The following AKAP10 variants were observed in gnomAD, a reference collection of about 807,000 sequenced individuals.
AKAP10 encodes A-kinase anchor protein 10, mitochondrial.
In AKAP10, 24 loss-of-function variants were observed where a neutral mutation model predicts 80.8. The observed-to-expected ratio is 0.30, with a 90% CI of 0.22 to 0.42. The LOEUF is 0.42. Among genes scored for constraint, AKAP10 ranks in the 10% least tolerant of loss-of-function variants. The probability of loss-of-function intolerance (pLI) is 1.00; values close to 1 mark genes in which losing one functional copy is unlikely to be tolerated. For synonymous variants in AKAP10, 291 were observed against 277.7 expected (o/e 1.05, Z -0.48); for missense variants, 661 against 794.9 (o/e 0.83, Z 2.03).
At position 19,942,056 on chromosome 17, in the gene AKAP10, TCTTAA is replaced by T. The variant is rs2043055935; in HGVS notation, c.977-151_977-147del. 6.5e-5 allele frequency: 32 copies of T among 493,196 alleles called. 1 individual carries two copies. In the South Asian group the frequency reaches 1.7e-3, roughly 26 times the overall value. 30.6% of individuals were successfully genotyped at this position (493,196 alleles called of 1,614,324 possible). On this transcript the variant is annotated intron_variant, in intron 5 of 14. Transcript: ENST00000225737. ...AAAAGAAAATACAGGTAACACTTGA[TCTTAA>T]AATAGAAAGTCTTTTGAAGTACATA...
chr17:19,927,337 AAAAC>A (rs969231579), intron 10 of AKAP10, among the ~76,000 whole-genome samples: 84 of 152,124 alleles, frequency 5.5e-4, no homozygotes, highest in African/African-American at 1.6e-3. Flanking sequence ...TTATCTTAAA[AAAAC>A]AAACAAACAA....
At chr17:19,951,057 G>A (rs1162303855) in intron 4 of AKAP10, among the ~76,000 whole-genome samples, 1 of 152,068 alleles carries the variant, frequency 6.6e-6, no homozygotes, top group African/African-American at 2.4e-5. Context: ...GAGAAGTGAG[G>A]AGCCCCTCCG....
chr17:19,957,892 A>C, intron 4 of AKAP10, 122 bp downstream of exon 4: 1 of 1,058,884 alleles, frequency 9.4e-7, no homozygotes, highest in Non-Finnish European at 1.3e-6. Flanking sequence ...TCCCAAATTT[A>C]CAAGTAGTTA....
chr17:19,969,382 AATCAT>A (rs1293284369), intron 1 of AKAP10, among the ~76,000 whole-genome samples: 4 of 152,172 alleles, frequency 2.6e-5, no homozygotes, highest in South Asian at 2.1e-4. Flanking sequence ...TCTGTAAAAT[AATCAT>A]ATAATTGCTT....
intron 3 of AKAP10, among the ~76,000 whole-genome samples, chr17:19,960,533 G>A (rs941698438): frequency 2.6e-5 from 4 of 152,128 alleles, no homozygotes; most frequent in African/African-American, 9.7e-5. Flanking sequence ...TCAACAGTTT[G>A]TTCCTTTTTA....
At chr17:19,957,142 GA>G (rs532046160) in intron 4 of AKAP10, among the ~76,000 whole-genome samples, 4 of 150,104 alleles carry the variant, frequency 2.7e-5, no homozygotes, top group South Asian at 4.2e-4. Context: ...TAATAGAGAA[GA>G]AAAAAAAACA....
chr17:19,966,522 G>A (rs1567777053), intron 2 of AKAP10, among the ~76,000 whole-genome samples: 1 of 152,188 alleles, frequency 6.6e-6, no homozygotes, highest in African/African-American at 2.4e-5. Context: ...ACTGTTCTGT[G>A]TATAAGTTTG....
intron 5 of AKAP10, among the ~76,000 whole-genome samples, chr17:19,942,690 C>T (rs942769847): frequency 3.9e-5 from 6 of 152,044 alleles, no homozygotes; most frequent in African/African-American, 7.2e-5. Flanking sequence ...TAAACTGCAG[C>T]GAAACAATTA....
intron 1 of AKAP10, among the ~76,000 whole-genome samples, chr17:19,972,746 C>T (rs1269274256): frequency 3.9e-5 from 6 of 152,182 alleles, no homozygotes; most frequent in African/African-American, 9.6e-5. Context: ...TGAGCCACCG[C>T]GCTTGGCGAA....
chr17:19,973,839 G>A (rs2043530216), intron 1 of AKAP10, among the ~76,000 whole-genome samples: 1 of 152,190 alleles, frequency 6.6e-6, no homozygotes, highest in African/African-American at 2.4e-5. Context: ...ATTTGCTGAT[G>A]GATCAGATAT....
Position 19,909,190 on chromosome 17 carries a change from T to A in AKAP10, c.1974A>T (p.Lys658Asn). The change falls in exon 14 of 15, where the codon AAA becomes AAT. Residue 658 changes from lysine to asparagine, a missense_variant. By Grantham distance (94) the Lys-to-Asn change is moderately conservative (BLOSUM62 0). Coordinates refer to ENST00000225737, the MANE Select transcript of AKAP10 (RefSeq NM_007202.4). ...QQAQYDQPLEKSTKL is the reference protein window; with the variant it reads ...QQAQYDQPLENSTKL ...ACGAAGTCATCCTTACCTTTGTAGATTTCTCTAACGGTTGATCATACTGAG... is the reference window on the plus strand; with the variant it reads ...ACGAAGTCATCCTTACCTTTGTAGAATTCTCTAACGGTTGATCATACTGAG... 6.2e-7 allele frequency: 1 copy of A among 1,609,424 alleles called. No individual in the cohort carries two copies. Among genetic ancestry groups the A allele is most frequent in the Non-Finnish European group, 8.5e-7 (1 of 1,178,652 alleles).
chr17:19,932,663 TTAAGA>T (rs1043202350), intron 9 of AKAP10, among the ~76,000 whole-genome samples: 38 of 152,250 alleles, frequency 2.5e-4, no homozygotes, highest in Admixed American at 4.6e-4. Context: ...ACTGATTTCC[TTAAGA>T]TAACTCACCA....
chr17:19,923,593 C>T (rs557630374), intron 11 of AKAP10, among the ~76,000 whole-genome samples: 1 of 152,142 alleles, frequency 6.6e-6, no homozygotes, highest in East Asian at 1.9e-4. Flanking sequence ...GTGGCACAAT[C>T]TAAGCTCACT....
At chr17:19,968,494 T>C (rs376117201) in intron 1 of AKAP10, 33 bp from the exon 2 acceptor site, 7 of 1,576,454 alleles carry the variant, frequency 4.4e-6, no homozygotes, top group Non-Finnish European at 6.1e-6. Context: ...TGACCAACTT[T>C]TGCAGTCAGA....
rs1488186685 is a variant in AKAP10, at chr17:19,946,235, TA to T, written c.976+1171del. Reference sequence around the variant, plus strand: ...TATATATATATTTTATATATATATATATTATATATATATATATATATATATA... The same window carrying T: ...TATATATATATTTTATATATATATATTTATATATATATATATATATATATA... On this transcript the variant is annotated intron_variant, in intron 5 of 14. Transcript: ENST00000225737. Among the ~76,000 whole-genome samples the T allele has an allele frequency of 9.0e-3, 159 of 17,618 alleles. 10 individuals are homozygous for T. The highest frequency in any genetic ancestry group is 0.034 in the African/African-American group (131 of 3,882). 11.6% of individuals were successfully genotyped at this position (17,618 alleles called of 152,430 possible).
intron 10 of AKAP10, among the ~76,000 whole-genome samples, chr17:19,929,022 A>C (rs948292942): frequency 2.4e-4 from 36 of 152,296 alleles, no homozygotes; most frequent in African/African-American, 8.2e-4. Flanking sequence ...AATGAGGAAT[A>C]AAATTCTGAT....
At chr17:19,962,173 C>CA (rs1176352639) in intron 3 of AKAP10, among the ~76,000 whole-genome samples, 1 of 151,860 alleles carries the variant, frequency 6.6e-6, no homozygotes, top group South Asian at 2.1e-4. Context: ...ATGCGTATAC[C>CA]ACAATTTGGT....
intron 10 of AKAP10, among the ~76,000 whole-genome samples, chr17:19,930,460 G>C (rs2042920087): frequency 6.6e-6 from 1 of 152,014 alleles, no homozygotes; most frequent in Non-Finnish European, 1.5e-5. Context: ...ATGTGGCACG[G>C]TAATGCAAAA....
chr17:19,942,375 G>C (rs2043059184), intron 5 of AKAP10, among the ~76,000 whole-genome samples: 1 of 151,838 alleles, frequency 6.6e-6, no homozygotes, highest in Admixed American at 6.6e-5. Context: ...AGAATAAGGA[G>C]GCACTACACC....
Sources: allele counts gnomAD v4.1 joint callset (sites outside exome capture counted in the v4.1 genomes callset), GRCh38; gene constraint gnomAD v4.1.1; transcripts MANE v1.5; gene names NCBI Gene and HGNC (gene_info 2026-07-23, HGNC 2026-07-21).